The following PATJ variants were observed in gnomAD, a reference collection of about 807,000 sequenced individuals.
PATJ encodes the protein PATJ crumbs cell polarity complex component.
Under a neutral mutation model 224.9 loss-of-function variants are expected in PATJ, and 190 were observed. The ratio of observed to expected loss-of-function variants is 0.84; its 90% CI spans 0.75 to 0.95. The LOEUF is 0.95. PATJ is among the 40% of genes least tolerant of loss of function. PATJ has a pLI of 0.00. For synonymous variants in PATJ, 769 were observed against 820.3 expected (o/e 0.94, Z 1.07); for missense variants, 2,121 against 2,270.3 (o/e 0.93, Z 1.34).
intron 27 of PATJ, among the ~76,000 whole-genome samples, chr1:61,951,069 C>T (rs979347104): frequency 5.9e-5 from 9 of 151,902 alleles, no homozygotes; most frequent in East Asian, 1.9e-4. Context: ...TTGCTTGAAC[C>T]GGGGAGGTGG....
At chr1:62,147,753 C>T (rs1668194237) in intron 41 of PATJ, among the ~76,000 whole-genome samples, 2 of 150,966 alleles carry the variant, frequency 1.3e-5, no homozygotes, top group East Asian at 2.0e-4. Context: ...GAGCCGAGAT[C>T]GTGCCACTGC....
intron 20 of PATJ, 129 bp downstream of exon 20, chr1:61,864,762 A>G: frequency 1.4e-6 from 1 of 732,896 alleles, no homozygotes. Flanking sequence ...ACTGTTTACA[A>G]GATGTGTCAT....
chr1:62,098,855 C>T (rs1661745389), intron 33 of PATJ, among the ~76,000 whole-genome samples: 1 of 152,074 alleles, frequency 6.6e-6, no homozygotes, highest in African/African-American at 2.4e-5. Context: ...GAATCGTGTT[C>T]TAAAACATTC....
chr1:61,792,224 G>A (rs1411242059), intron 9 of PATJ, among the ~76,000 whole-genome samples: 1 of 152,172 alleles, frequency 6.6e-6, no homozygotes, highest in Non-Finnish European at 1.5e-5. Context: ...AGACCACCTT[G>A]TGTTATTTTA....
chr1:61,744,635 G>T (rs976616557), intron 1 of PATJ, among the ~76,000 whole-genome samples: 2 of 152,148 alleles, frequency 1.3e-5, no homozygotes, highest in South Asian at 4.1e-4. Flanking sequence ...TTTTTCCTCT[G>T]CTCTCACACC....
At chr1:61,840,018 C>A (rs1570815713) in intron 17 of PATJ, among the ~76,000 whole-genome samples, 1 of 151,946 alleles carries the variant, frequency 6.6e-6, no homozygotes, top group Non-Finnish European at 1.5e-5. Context: ...GGAAATATTT[C>A]TCCCTATAAA....
intron 28 of PATJ, among the ~76,000 whole-genome samples, chr1:62,009,340 C>T (rs183638464): frequency 2.6e-5 from 4 of 151,966 alleles, no homozygotes; most frequent in Non-Finnish European, 2.9e-5. Flanking sequence ...TTTTGTTTCC[C>T]GCATATGTGA....
chr1:62,045,742 C>G (rs971345602), intron 30 of PATJ, among the ~76,000 whole-genome samples: 4 of 152,188 alleles, frequency 2.6e-5, no homozygotes, highest in African/African-American at 9.7e-5. Flanking sequence ...ATCCGTCAGC[C>G]AGATGGTCCT....
rs1009867656 is a variant in PATJ at position 62,121,405 on chromosome 1, T to C, written c.5005+110T>C. 13 of 702,732 alleles carry C rather than the reference T, an allele frequency of 1.8e-5. No homozygotes were observed. The Admixed American group carries it at 2.3e-4, about 13-fold the overall frequency. 43.5% of individuals were successfully genotyped at this position (702,732 alleles called of 1,614,324 possible). A position where few individuals can be genotyped will look rare whatever the true frequency, so the allele number is the denominator to read the frequency against. ...TTAATATAAATGTTTTTTAATTTTTTGAGCTTGGCCACATAAGCTGAGCTT... is the reference window on the plus strand; with the variant it reads ...TTAATATAAATGTTTTTTAATTTTTCGAGCTTGGCCACATAAGCTGAGCTT... On this transcript the variant is annotated intron_variant, in intron 38 of 43. Coordinates refer to ENST00000642238, the MANE Select transcript of PATJ (RefSeq NM_001350145.3).
chr1:62,038,838 TG>T, intron 30 of PATJ: 2 of 704,530 alleles, frequency 2.8e-6, no homozygotes, highest in Non-Finnish European at 5.3e-6. Flanking sequence ...GGACGGTGGG[TG>T]GGATGGAGGC....
chr1:62,108,947 A>G (rs1663465286), intron 34 of PATJ, among the ~76,000 whole-genome samples: 1 of 152,234 alleles, frequency 6.6e-6, no homozygotes. Flanking sequence ...ATAAATCTTT[A>G]TGCCAAATGG....
intron 16 of PATJ, 104 bp downstream of exon 16, chr1:61,827,687 C>A: frequency 9.2e-7 from 1 of 1,086,046 alleles, no homozygotes; most frequent in Non-Finnish European, 1.3e-6. Flanking sequence ...TTCCACTCTG[C>A]TCTTTTTTTG....
At chr1:61,883,548 G>A (rs969015834) in intron 21 of PATJ, among the ~76,000 whole-genome samples, 5 of 151,918 alleles carry the variant, frequency 3.3e-5, no homozygotes, top group Non-Finnish European at 5.9e-5. Context: ...TCAGGAGTTC[G>A]AGACCAGCCT....
chr1:61,939,872 C>G (rs1677529608), intron 27 of PATJ, among the ~76,000 whole-genome samples: 1 of 151,786 alleles, frequency 6.6e-6, no homozygotes, highest in Admixed American at 6.6e-5. Context: ...CATGGTTCCA[C>G]CATGTTGGCC....
intron 28 of PATJ, among the ~76,000 whole-genome samples, chr1:61,992,539 CAG>C (rs1645130849): frequency 6.6e-6 from 1 of 152,134 alleles, no homozygotes; most frequent in African/African-American, 2.4e-5. Context: ...CATATCTAGA[CAG>C]AGATTTCCTG....
chr1:62,150,679 G>GAAA (rs56167585), intron 42 of PATJ, among the ~76,000 whole-genome samples: 79 of 81,980 alleles, frequency 9.6e-4, no homozygotes, highest in Non-Finnish European at 1.1e-3. Context: ...CCTGTCTCAA[G>GAAA]AAAAAAAAAA....
At chr1:62,113,980 A>C in intron 34 of PATJ, 73 bp from the exon 35 acceptor site, 1 of 1,433,768 alleles carries the variant, frequency 7.0e-7, no homozygotes, top group Non-Finnish European at 9.6e-7. Context: ...GGTTAGATCA[A>C]GGAGATTCAG....
intron 27 of PATJ, among the ~76,000 whole-genome samples, chr1:61,976,967 A>G (rs1644170040): frequency 1.3e-5 from 2 of 152,060 alleles, no homozygotes; most frequent in African/African-American, 4.8e-5. Flanking sequence ...CTAACATCAT[A>G]ATTTTTTGGT....
At chr1:61,747,908 T>G (rs1320981936) in intron 1 of PATJ, among the ~76,000 whole-genome samples, 3 of 152,198 alleles carry the variant, frequency 2.0e-5, no homozygotes, top group Non-Finnish European at 4.4e-5. Flanking sequence ...GAATCTAAAA[T>G]ATCTTATTAA....
Sources: gnomAD v4.1 joint callset for allele counts (sites outside exome capture counted in the v4.1 genomes callset) on GRCh38, gnomAD v4.1.1 for gene constraint, MANE v1.5 for transcripts, NCBI Gene and HGNC (gene_info 2026-07-23, HGNC 2026-07-21) for gene names.